PRKG1: variants seen among roughly 807,000 people sequenced by gnomAD.
The protein encoded by PRKG1 is protein kinase cGMP-dependent 1.
PRKG1 carries 35 observed loss-of-function variants against 88.1 expected under a neutral mutation model. The ratio of observed to expected loss-of-function variants is 0.40; its 90% confidence interval spans 0.30 to 0.53. The LOEUF is 0.53. PRKG1 is among the 20% of genes least tolerant of loss of function. The probability of loss-of-function intolerance (pLI) is 0.59; values close to 1 mark genes in which losing one functional copy is unlikely to be tolerated. For synonymous variants in PRKG1, 303 were observed against 292.5 expected (o/e 1.04, Z -0.37); for missense variants, 540 against 839.8 (o/e 0.64, Z 4.41).
At chr10:51,723,238 G>A (rs1842055178) in intron 3 of PRKG1, among the ~76,000 whole-genome samples, 1 of 152,148 alleles carries the variant, frequency 6.6e-6, no homozygotes, top group Non-Finnish European at 1.5e-5. Context: ...GCCCATGAAT[G>A]ATAGACTGGA....
intron 2 of PRKG1, among the ~76,000 whole-genome samples, chr10:51,208,915 C>T (rs1838137734): frequency 6.6e-6 from 1 of 152,020 alleles, no homozygotes; most frequent in Admixed American, 6.6e-5. Flanking sequence ...ATGGACTTTC[C>T]CTTTTGTGTT....
rs942904191 is a variant in PRKG1, at chr10:51,749,540, T to G, written c.593-55045T>G. On this transcript the variant is annotated intron_variant, in intron 3 of 17. Transcript: ENST00000373980. Reference sequence around the variant, plus strand: ...CTCCATTATGGCATTTAACCCTTAATTACCTCCCCAAAGCCCTGTCTCCAA... The same window carrying G: ...CTCCATTATGGCATTTAACCCTTAAGTACCTCCCCAAAGCCCTGTCTCCAA... 3.3e-5 allele frequency among the ~76,000 whole-genome samples: 5 copies of G among 152,164 alleles called. No homozygotes were observed. The East Asian group carries it at 9.6e-4, about 29-fold the overall frequency.
intron 3 of PRKG1, among the ~76,000 whole-genome samples, chr10:51,574,487 A>G (rs1837836069): frequency 6.6e-6 from 1 of 151,910 alleles, no homozygotes; most frequent in Admixed American, 6.6e-5. Flanking sequence ...CTAAATAATA[A>G]CGCTGTTAAG....
chr10:51,973,224 G>A (rs946675475), intron 5 of PRKG1, among the ~76,000 whole-genome samples: 4 of 152,120 alleles, frequency 2.6e-5, no homozygotes, highest in African/African-American at 7.2e-5. Flanking sequence ...ATGAACCAAG[G>A]TGAAATGATC....
chr10:52,025,601 T>C lies in PRKG1; in HGVS notation c.763-28883T>C, dbSNP rs528806236. 9.2e-5 allele frequency among the ~76,000 whole-genome samples: 14 copies of C among 152,184 alleles called. 1 individual carries two copies. Among genetic ancestry groups the C allele is most frequent in the African/African-American group, 3.1e-4 (13 of 41,558 alleles). ...AATAGAGGTTCCTTTCCCCATTTCT[T>C]GTCTTTGTCAGGTTTGTCAAAGGTC... On this transcript the variant is annotated intron_variant, in intron 5 of 17. Coordinates refer to ENST00000373980, the MANE Select transcript of PRKG1 (RefSeq NM_006258.4).
At chr10:51,402,461 T>G (rs575438506) in intron 2 of PRKG1, among the ~76,000 whole-genome samples, 2 of 152,224 alleles carry the variant, frequency 1.3e-5, no homozygotes, top group South Asian at 4.1e-4. Context: ...TTGTGTTGCA[T>G]AGTCAGACAC....
intron 2 of PRKG1, among the ~76,000 whole-genome samples, chr10:51,212,706 A>C (rs1362397762): frequency 6.6e-6 from 1 of 152,248 alleles, no homozygotes; most frequent in African/African-American, 2.4e-5. Context: ...GCCAAAAAAC[A>C]CATGAAAAAA....
intron 3 of PRKG1, among the ~76,000 whole-genome samples, chr10:51,668,613 T>G (rs935774543): frequency 1.3e-5 from 2 of 152,174 alleles, no homozygotes; most frequent in South Asian, 2.1e-4. Context: ...ATACATGTGA[T>G]GGACACAGCT....
chr10:51,774,276 A>G (rs1838379643), intron 3 of PRKG1, among the ~76,000 whole-genome samples: 1 of 152,128 alleles, frequency 6.6e-6, no homozygotes, highest in Non-Finnish European at 1.5e-5. Flanking sequence ...CACTTTGCCT[A>G]ATGAGATACA....
At chr10:51,223,044 C>A (rs925043912) in intron 2 of PRKG1, among the ~76,000 whole-genome samples, 2 of 151,776 alleles carry the variant, frequency 1.3e-5, no homozygotes, top group African/African-American at 4.8e-5. Context: ...GGTAAGGGCA[C>A]TTAAAATCTA....
At chr10:51,581,640 T>C (rs1838039177) in intron 3 of PRKG1, among the ~76,000 whole-genome samples, 1 of 152,178 alleles carries the variant, frequency 6.6e-6, no homozygotes, top group Non-Finnish European at 1.5e-5. Context: ...CACGCGCTGC[T>C]GGCTCATTCT....
rs539617406 is a variant in PRKG1, at chr10:51,377,069, A to G, written c.479-90654A>G. Among the ~76,000 whole-genome samples the G allele has an allele frequency of 9.9e-5, 15 of 152,178 alleles. No homozygotes were observed. The East Asian group carries it at 2.1e-3, about 22-fold the overall frequency. On this transcript the variant is annotated intron_variant, in intron 2 of 17. Coordinates refer to ENST00000373980, the MANE Select transcript of PRKG1 (RefSeq NM_006258.4). Reference sequence around the variant, plus strand: ...GTTATTTCTGAATACACTTAATGTTATAACCTGTTAGCAGTTAAAAAAAAA... The same window carrying G: ...GTTATTTCTGAATACACTTAATGTTGTAACCTGTTAGCAGTTAAAAAAAAA...
chr10:51,112,260 C>T (rs1221825404), intron 1 of PRKG1, among the ~76,000 whole-genome samples: 1 of 152,024 alleles, frequency 6.6e-6, no homozygotes. Context: ...GAAACAATGC[C>T]TTGACTACTG....
At chr10:52,018,158 A>T (rs1845091543) in intron 5 of PRKG1, among the ~76,000 whole-genome samples, 1 of 152,184 alleles carries the variant, frequency 6.6e-6, no homozygotes, top group Non-Finnish European at 1.5e-5. Context: ...CTAAATCATG[A>T]GTTCCAGAAA....
chr10:51,920,734 A>T (rs978978247), intron 5 of PRKG1, among the ~76,000 whole-genome samples: 4 of 152,134 alleles, frequency 2.6e-5, no homozygotes, highest in Non-Finnish European at 5.9e-5. Context: ...TCTGGAAAAG[A>T]AGGATAGTAA....
chr10:51,564,685 A>T (rs1185204007), intron 3 of PRKG1, among the ~76,000 whole-genome samples: 1 of 152,086 alleles, frequency 6.6e-6, no homozygotes, highest in Non-Finnish European at 1.5e-5. Context: ...TTCTTTACGC[A>T]CAGGTAATAG....
intron 3 of PRKG1, among the ~76,000 whole-genome samples, chr10:51,554,390 T>A (rs1365345850): frequency 1.4e-5 from 2 of 143,020 alleles, no homozygotes; most frequent in Non-Finnish European, 3.0e-5. Context: ...TATATACATA[T>A]ATGTATATAT....
chr10:51,586,947 C>T (rs1402990046), intron 3 of PRKG1, among the ~76,000 whole-genome samples: 1 of 152,104 alleles, frequency 6.6e-6, no homozygotes, highest in Non-Finnish European at 1.5e-5. Flanking sequence ...AAGCATTTCT[C>T]AAGAGAAATC....
intron 2 of PRKG1, among the ~76,000 whole-genome samples, chr10:51,412,219 A>G (rs10822943): frequency 0.15 from 17,687 of 119,506 alleles, 1,279 homozygotes; most frequent in Middle Eastern, 0.2. Flanking sequence ...GAGAGAAAGA[A>G]AGAGAGAAAG....
Sources: allele counts gnomAD v4.1 joint callset (sites outside exome capture counted in the v4.1 genomes callset), GRCh38; gene constraint gnomAD v4.1.1; transcripts MANE v1.5; gene names NCBI Gene and HGNC (gene_info 2026-07-23, HGNC 2026-07-21).